The following H2BC26 variants were observed in gnomAD, a reference collection of about 807,000 sequenced individuals.
The protein encoded by H2BC26 is H2B clustered histone 26.
At chr1:228,458,365 C>G in the H2BC26 span, 7 of 1,614,110 alleles carry the variant, frequency 4.3e-6, no homozygotes, top group African/African-American at 8.0e-5. Context: ...AGCGAGGCCT[C>G]CCGCCTGGCA....
At chr1:228,458,181 G>T in the H2BC26 span, 1 of 1,613,810 alleles carries the variant, frequency 6.2e-7, no homozygotes, top group South Asian at 1.1e-5. Flanking sequence ...TTCTAAAAAG[G>T]CTGTCACCAA....
the H2BC26 span, chr1:228,458,271 C>T: frequency 1.9e-6 from 3 of 1,614,212 alleles, no homozygotes; most frequent in Non-Finnish European, 2.5e-6. Flanking sequence ...GGTGCTGAAG[C>T]AGGTGCACCC....
the H2BC26 span, chr1:228,458,108 T>C: frequency 6.4e-7 from 1 of 1,559,842 alleles, no homozygotes. Context: ...CGCGCGTTTC[T>C]GTTTGGAGAG....
chr1:228,458,520 C>A, the H2BC26 span: 2 of 1,614,136 alleles, frequency 1.2e-6, no homozygotes, highest in South Asian at 2.2e-5. Context: ...AGGCGTTCCT[C>A]GGCGTCCTGA....
the H2BC26 span, chr1:228,458,450 G>C: frequency 1.2e-6 from 2 of 1,614,088 alleles, no homozygotes; most frequent in Non-Finnish European, 1.7e-6. Context: ...CCGGCGAGCT[G>C]GCCAAGCACG....
At chr1:228,458,397 A>G in the H2BC26 span, 2 of 1,614,132 alleles carry the variant, frequency 1.2e-6, no homozygotes, top group South Asian at 2.2e-5. Flanking sequence ...GCGCTCCACC[A>G]TCACGTCCCG....
At chr1:228,458,308 T>A in the H2BC26 span, 1 of 1,614,226 alleles carries the variant, frequency 6.2e-7, no homozygotes, top group African/African-American at 1.3e-5. Flanking sequence ...TCCAAGGCCA[T>A]GGGCATCATG....
chr1:228,458,122 C>CA, the H2BC26 span: 1 of 1,578,748 alleles, frequency 6.3e-7, no homozygotes, highest in South Asian at 1.2e-5. Flanking sequence ...TGGAGAGACT[C>CA]AGCCATCATG....
At chr1:228,458,556 C>A in the H2BC26 span, 1 of 1,611,968 alleles carries the variant, frequency 6.2e-7, no homozygotes, top group Non-Finnish European at 8.5e-7. Flanking sequence ...TCAGAGCCAC[C>A]CACACGATCA....
chr1:228,458,190 A>G, the H2BC26 span: 2 of 1,614,114 alleles, frequency 1.2e-6, no homozygotes, highest in Non-Finnish European at 1.7e-6. Context: ...GGCTGTCACC[A>G]AGGCACAGAA....
At chr1:228,458,103 G>C in the H2BC26 span, 2 of 1,551,914 alleles carry the variant, frequency 1.3e-6, no homozygotes, top group Non-Finnish European at 8.7e-7. Context: ...AGCGCCGCGC[G>C]TTTCTGTTTG....
the H2BC26 span, chr1:228,458,447 G>A: frequency 6.2e-7 from 1 of 1,614,204 alleles, no homozygotes; most frequent in Non-Finnish European, 8.5e-7. Flanking sequence ...TGCCCGGCGA[G>A]CTGGCCAAGC....
the H2BC26 span, chr1:228,458,399 C>T: frequency 3.1e-6 from 5 of 1,614,112 alleles, no homozygotes; most frequent in African/African-American, 6.7e-5. Context: ...GCTCCACCAT[C>T]ACGTCCCGCG....
At chr1:228,458,252 C>T in the H2BC26 span, 3 of 1,614,228 alleles carry the variant, frequency 1.9e-6, no homozygotes, top group Non-Finnish European at 2.5e-6. Context: ...ATTCTATCTA[C>T]GTGTACAAGG....
At chr1:228,458,285 C>T in the H2BC26 span, 15 of 1,614,226 alleles carry the variant, frequency 9.3e-6, no homozygotes, top group East Asian at 4.5e-5. Flanking sequence ...TGCACCCCGA[C>T]ACCGGCATCT....
At chr1:228,458,299 C>T in the H2BC26 span, 5 of 1,614,090 alleles carry the variant, frequency 3.1e-6, no homozygotes, top group South Asian at 1.1e-5. Flanking sequence ...GGCATCTCGT[C>T]CAAGGCCATG....
the H2BC26 span, chr1:228,458,254 T>A: frequency 1.2e-6 from 2 of 1,614,190 alleles, no homozygotes; most frequent in South Asian, 1.1e-5. Flanking sequence ...TCTATCTACG[T>A]GTACAAGGTG....
chr1:228,458,205 G>C, the H2BC26 span: 2 of 1,614,122 alleles, frequency 1.2e-6, no homozygotes, highest in South Asian at 1.1e-5. Flanking sequence ...ACAGAAGAAG[G>C]ACGGCAAGAA....
chr1:228,458,234 G>A, the H2BC26 span: 1 of 1,614,216 alleles, frequency 6.2e-7, no homozygotes, highest in African/African-American at 1.3e-5. Context: ...GCGGCCGCAA[G>A]GAGAGCTATT....
Sources: gnomAD v4.1 joint callset for allele counts on GRCh38, gnomAD v4.1.1 for gene constraint, MANE v1.5 for transcripts, NCBI Gene and HGNC (gene_info 2026-07-23, HGNC 2026-07-21) for gene names.